The following MIGA1 variants were observed in gnomAD, a reference collection of about 807,000 sequenced individuals.
MIGA1 encodes the protein family with sequence similarity 73, member A.
MIGA1 carries 58 observed loss-of-function variants against 82.0 expected under a neutral mutation model. The observed-to-expected ratio is 0.71, with a 90% confidence interval of 0.57 to 0.88. The LOEUF (loss-of-function observed/expected upper bound fraction) is 0.88. Ranked by LOEUF, MIGA1 falls within the 40% of genes least tolerant of loss-of-function variation. MIGA1 has a pLI of 0.00. For missense variants in MIGA1, 751 were observed against 749.1 expected (o/e 1.00, Z -0.03); for synonymous variants, 249 against 253.6 (o/e 0.98, Z 0.17).
At position 77,780,851 on chromosome 1, in the gene MIGA1, A is replaced by G. The variant is rs189536935; in HGVS notation, c.81+1115A>G. 1.2e-3 allele frequency among the ~76,000 whole-genome samples: 179 copies of G among 152,100 alleles called. 1 individual carries two copies. Among genetic ancestry groups the G allele is most frequent in the African/African-American group, 4.1e-3 (169 of 41,508 alleles). On this transcript the variant is annotated intron_variant, in intron 1 of 15. Transcript: ENST00000370791. Reference sequence around the variant, plus strand: ...CTTCCTCAGTAATATTAAATGAAAAAGAATGAGGTAGTTAGAATGCAAAAA... The same window carrying G: ...CTTCCTCAGTAATATTAAATGAAAAGGAATGAGGTAGTTAGAATGCAAAAA...
chr1:77,842,695 G>A (rs557787828), intron 7 of MIGA1, among the ~76,000 whole-genome samples: 1 of 151,984 alleles, frequency 6.6e-6, no homozygotes, highest in Admixed American at 6.6e-5. Context: ...CTACAGGTGC[G>A]CACCTGGCTA....
intron 7 of MIGA1, among the ~76,000 whole-genome samples, chr1:77,828,089 T>C (rs1375405020): frequency 2.0e-5 from 3 of 152,044 alleles, no homozygotes; most frequent in Non-Finnish European, 4.4e-5. Context: ...TAAAGGTGGG[T>C]GGGGAGGTTT....
intron 14 of MIGA1, chr1:77,868,207 T>G (rs182761745): frequency 3.3e-4 from 50 of 152,326 alleles, no homozygotes; most frequent in African/African-American, 1.2e-3. Context: ...TTTATTTTTC[T>G]ACTTCTTAGA....
At chr1:77,819,890 C>T (rs776885287) in intron 7 of MIGA1, among the ~76,000 whole-genome samples, 2 of 152,034 alleles carry the variant, frequency 1.3e-5, no homozygotes, top group Non-Finnish European at 2.9e-5. Flanking sequence ...TCACACAGTC[C>T]ATTCTCTTAA....
intron 2 of MIGA1, among the ~76,000 whole-genome samples, chr1:77,785,018 C>G (rs1482366624): frequency 6.6e-6 from 1 of 152,158 alleles, no homozygotes; most frequent in African/African-American, 2.4e-5. Flanking sequence ...TGGGTGGGGA[C>G]ACAGCCAAAC....
At chr1:77,873,575 A>G (rs556415975) in intron 15 of MIGA1, among the ~76,000 whole-genome samples, 1 of 152,212 alleles carries the variant, frequency 6.6e-6, no homozygotes. Flanking sequence ...GTTGTGAGAA[A>G]TAAAATGGGG....
chr1:77,807,833 T>C (rs1683161580), intron 5 of MIGA1, among the ~76,000 whole-genome samples: 1 of 152,112 alleles, frequency 6.6e-6, no homozygotes, highest in Admixed American at 6.5e-5. Flanking sequence ...TCTCTCTCTT[T>C]TTTTTGAGAC....
At chr1:77,806,880 TA>T in intron 4 of MIGA1, 94 bp from the exon 5 acceptor site, 2 of 858,830 alleles carry the variant, frequency 2.3e-6, no homozygotes, top group South Asian at 3.8e-5. Flanking sequence ...GTCTTACCAC[TA>T]ATAGGATTTA....
intron 2 of MIGA1, among the ~76,000 whole-genome samples, chr1:77,798,082 C>A (rs893876118): frequency 6.6e-6 from 1 of 152,074 alleles, no homozygotes; most frequent in Non-Finnish European, 1.5e-5. Flanking sequence ...AAATAAATAC[C>A]CTTTATCAGA....
At chr1:77,829,836 C>T (rs1374214608) in intron 7 of MIGA1, among the ~76,000 whole-genome samples, 6 of 151,970 alleles carry the variant, frequency 3.9e-5, no homozygotes, top group East Asian at 3.9e-4. Flanking sequence ...ATTGCCTCAG[C>T]ACCTCTCTTT....
At chr1:77,780,134 G>C in intron 1 of MIGA1, 1 of 994,942 alleles carries the variant, frequency 1.0e-6, no homozygotes, top group Non-Finnish European at 1.2e-6. Context: ...GAAAAAGGAA[G>C]ACAGCAGAGG....
At chr1:77,874,769 C>T in intron 15 of MIGA1, 77 bp from the exon 16 acceptor site, 1 of 994,456 alleles carries the variant, frequency 1.0e-6, no homozygotes, top group Non-Finnish European at 1.5e-6. Flanking sequence ...TGATTCAGTG[C>T]TCATTATAAT....
intron 2 of MIGA1, among the ~76,000 whole-genome samples, chr1:77,787,940 C>A (rs559960049): frequency 3.3e-5 from 5 of 149,974 alleles, no homozygotes; most frequent in African/African-American, 1.2e-4. Flanking sequence ...CTCAGCCTCC[C>A]GAGTAGCTGG....
intron 4 of MIGA1, among the ~76,000 whole-genome samples, chr1:77,806,626 T>C (rs1683110665): frequency 6.6e-6 from 1 of 152,150 alleles, no homozygotes; most frequent in African/African-American, 2.4e-5. Flanking sequence ...TAAAACATTC[T>C]AAAAGAAAAA....
In MIGA1 at chr1:77,836,710, G is replaced by A. The variant is rs183386944; in HGVS notation, c.896-6597G>A. 3.6e-3 allele frequency among the ~76,000 whole-genome samples: 553 copies of A among 152,308 alleles called. 1 individual carries two copies. Among genetic ancestry groups the A allele is most frequent in the Middle Eastern group, 0.014 (4 of 294 alleles). ...AGGATCAGGATCCAGGTGCTGGCTG[G>A]CTGAATCAGAAACCACGCTTTTACC... On this transcript the variant is annotated intron_variant, in intron 7 of 15. Coordinates refer to ENST00000370791, the MANE Select transcript of MIGA1 (RefSeq NM_198549.4).
intron 7 of MIGA1, among the ~76,000 whole-genome samples, chr1:77,822,073 G>T (rs1469099148): frequency 6.6e-6 from 1 of 151,980 alleles, no homozygotes; most frequent in Non-Finnish European, 1.5e-5. Context: ...TCACTCTATA[G>T]AGGTGGTAGA....
At chr1:77,803,193 A>G (rs1028483051) in intron 3 of MIGA1, 77 bp from the exon 4 acceptor site, 47 of 952,348 alleles carry the variant, frequency 4.9e-5, no homozygotes, top group Non-Finnish European at 5.9e-5. Flanking sequence ...TGAATATATT[A>G]TAAACTCTGA....
chr1:77,865,446 T>C (rs946422253), intron 13 of MIGA1, among the ~76,000 whole-genome samples: 2 of 151,998 alleles, frequency 1.3e-5, no homozygotes, highest in African/African-American at 2.4e-5. Flanking sequence ...TACAAAAATT[T>C]GCCAGGTGCA....
chr1:77,837,048 T>C (rs1684462009), intron 7 of MIGA1, among the ~76,000 whole-genome samples: 1 of 152,164 alleles, frequency 6.6e-6, no homozygotes, highest in Admixed American at 6.5e-5. Flanking sequence ...AACTATAAGC[T>C]GAATCTGAGT....
Sources: allele counts gnomAD v4.1 joint callset (sites outside exome capture counted in the v4.1 genomes callset), GRCh38; gene constraint gnomAD v4.1.1; transcripts MANE v1.5; gene names NCBI Gene and HGNC (gene_info 2026-07-23, HGNC 2026-07-21).